The following SPAG16 variants were observed in gnomAD, a reference collection of about 807,000 sequenced individuals.
SPAG16 encodes sperm-associated antigen 16 protein.
A neutral mutation model predicts 80.4 loss-of-function variants in SPAG16; 86 were observed. The ratio of observed to expected loss-of-function variants is 1.07; its 90% confidence interval spans 0.90 to 1.28. The LOEUF (loss-of-function observed/expected upper bound fraction) is 1.28, where lower values mean the gene tolerates loss of function less well. Among genes scored for constraint, SPAG16 ranks in the 50% most tolerant of loss-of-function variants. The pLI is 0.00. For synonymous variants in SPAG16, 294 were observed against 265.9 expected, an observed-to-expected ratio of 1.11 and a Z score of -1.03; for missense variants, 870 against 765.3, an observed-to-expected ratio of 1.14 and a Z score of -1.61.
chr2:214,099,631 T>A (rs1384109480), intron 13 of SPAG16, among the ~76,000 whole-genome samples: 2 of 152,080 alleles, frequency 1.3e-5, no homozygotes, highest in African/African-American at 4.8e-5. Context: ...TATGAACTAG[T>A]CCATGAAATA....
At chr2:213,776,238 C>T (rs79521074) in intron 10 of SPAG16, among the ~76,000 whole-genome samples, 1 of 151,968 alleles carries the variant, frequency 6.6e-6, no homozygotes, top group African/African-American at 2.4e-5. Flanking sequence ...ATCATAGGAG[C>T]CCTTAAAAGT....
At chr2:213,876,643 A>G (rs2076154152) in intron 11 of SPAG16, among the ~76,000 whole-genome samples, 1 of 152,166 alleles carries the variant, frequency 6.6e-6, no homozygotes, top group Admixed American at 6.5e-5. Flanking sequence ...AAAGTATTGG[A>G]TTGATTAAAA....
chr2:213,985,541 C>T (rs940242967), intron 12 of SPAG16, among the ~76,000 whole-genome samples: 20 of 152,010 alleles, frequency 1.3e-4, no homozygotes, highest in African/African-American at 4.6e-4. Context: ...TGCCAGTAGG[C>T]TCATATAAAC....
intron 13 of SPAG16, among the ~76,000 whole-genome samples, chr2:214,038,531 C>G (rs1194839555): frequency 6.6e-6 from 1 of 151,930 alleles, no homozygotes; most frequent in Non-Finnish European, 1.5e-5. Flanking sequence ...TTTCTCAATT[C>G]ATTTCTTTTT....
At chr2:213,341,125 G>A (rs2064665373) in intron 6 of SPAG16, among the ~76,000 whole-genome samples, 2 of 152,076 alleles carry the variant, frequency 1.3e-5, no homozygotes, top group Admixed American at 1.3e-4. Flanking sequence ...TTGTAATACA[G>A]CTACACTTGG....
intron 15 of SPAG16, among the ~76,000 whole-genome samples, chr2:214,159,227 G>T (rs1203534278): frequency 6.6e-6 from 1 of 151,894 alleles, no homozygotes; most frequent in Non-Finnish European, 1.5e-5. Flanking sequence ...TACAAAGAAA[G>T]AAGAGATAAT....
intron 10 of SPAG16, among the ~76,000 whole-genome samples, chr2:213,672,429 C>A (rs948697657): frequency 1.3e-5 from 2 of 151,948 alleles, no homozygotes; most frequent in Admixed American, 1.3e-4. Flanking sequence ...TGCCAACTGA[C>A]AAACAACCCT....
intron 10 of SPAG16, among the ~76,000 whole-genome samples, chr2:213,493,173 T>C (rs2125741984): frequency 6.6e-6 from 1 of 152,352 alleles, no homozygotes; most frequent in Admixed American, 6.5e-5. Flanking sequence ...TGACCTATGA[T>C]TTGGGCAAAA....
intron 10 of SPAG16, among the ~76,000 whole-genome samples, chr2:213,767,728 G>A (rs1233881291): frequency 6.6e-6 from 1 of 151,520 alleles, no homozygotes; most frequent in African/African-American, 2.4e-5. Context: ...AAAGGCAGAA[G>A]TTTTAAGCTA....
intron 15 of SPAG16, among the ~76,000 whole-genome samples, chr2:214,252,133 G>A (rs1478725868): frequency 6.6e-6 from 1 of 151,976 alleles, no homozygotes; most frequent in African/African-American, 2.4e-5. Context: ...AATAAAAAAT[G>A]AAATTCTTTG....
chr2:213,392,471 CA>C (rs1553516106), intron 9 of SPAG16, among the ~76,000 whole-genome samples: 1 of 152,074 alleles, frequency 6.6e-6, no homozygotes, highest in Non-Finnish European at 1.5e-5. Flanking sequence ...TTTAGTTTTA[CA>C]TTTTTTCAGT....
intron 9 of SPAG16, among the ~76,000 whole-genome samples, chr2:213,380,606 C>A (rs1408521379): frequency 6.6e-6 from 1 of 152,176 alleles, no homozygotes; most frequent in South Asian, 2.1e-4. Context: ...ACAGGCAGTT[C>A]AGGTTGCATG....
chr2:214,250,048 A>T (rs1576594480), intron 15 of SPAG16: 1 of 152,288 alleles, frequency 6.6e-6, no homozygotes, highest in South Asian at 2.1e-4. Context: ...TCTTCCAGCC[A>T]TGAGGTTAGG....
At chr2:213,870,837 A>T (rs1298110485) in intron 11 of SPAG16, among the ~76,000 whole-genome samples, 1 of 152,106 alleles carries the variant, frequency 6.6e-6, no homozygotes, top group Non-Finnish European at 1.5e-5. Context: ...TTTTTAAAAA[A>T]CCCATAGGAA....
intron 9 of SPAG16, among the ~76,000 whole-genome samples, chr2:213,379,305 A>G (rs1470856206): frequency 6.6e-6 from 1 of 152,150 alleles, no homozygotes; most frequent in African/African-American, 2.4e-5. Flanking sequence ...GAGCATACAC[A>G]CCTTCTGGAG....
chr2:214,045,073 T>A (rs1303811332), intron 13 of SPAG16, among the ~76,000 whole-genome samples: 1 of 152,084 alleles, frequency 6.6e-6, no homozygotes. Flanking sequence ...GGTAAGCGAG[T>A]GCTTATGCAG....
Position 214,053,801 on chromosome 2 carries a change from C to T in SPAG16, c.1527+39724C>T, listed in dbSNP as rs146121871. On this transcript the variant is annotated intron_variant, in intron 13 of 15. Transcript: ENST00000331683. ...AAGGTTAGCTGAGAATCAGTCTATT[C>T]ATGCCAAAGCTTATATTCTTTCCAT... Among the ~76,000 whole-genome samples, 25 of 152,318 alleles carry T rather than the reference C, an allele frequency of 1.6e-4. No individual in the cohort carries two copies. In the East Asian group the frequency reaches 4.6e-3, roughly 28 times the overall value.
rs535951085 is a variant in SPAG16 at position 214,130,551 on chromosome 2, G to T, written c.1594-18589G>T. Among the ~76,000 whole-genome samples the T allele has an allele frequency of 1.1e-4, 17 of 152,284 alleles. No homozygotes were observed. The Middle Eastern group carries it at 0.014, about 122-fold the overall frequency. On this transcript the variant is annotated intron_variant, in intron 14 of 15. Transcript: ENST00000331683. ...CCACTCGCTCTTCAGATGTGGAGTA[G>T]TAAGCTTCAATTTTTACTTCATATC...
intron 12 of SPAG16, among the ~76,000 whole-genome samples, chr2:214,011,009 TGTA>T (rs1199179401): frequency 4.8e-5 from 7 of 146,014 alleles, no homozygotes; most frequent in African/African-American, 1.9e-4. Context: ...GATCTTGTCT[TGTA>T]GTAAGAAAGT....
Sources: allele counts gnomAD v4.1 joint callset (sites outside exome capture counted in the v4.1 genomes callset), GRCh38; gene constraint gnomAD v4.1.1; transcripts MANE v1.5; gene names NCBI Gene and HGNC (gene_info 2026-07-23, HGNC 2026-07-21).